Variants in PCDHGA7 observed in about 807,000 individuals in gnomAD.
PCDHGA7 encodes protocadherin gamma subfamily A, 7.
Under a neutral mutation model 58.3 loss-of-function variants are expected in PCDHGA7, and 44 were observed. That is an observed-to-expected ratio of 0.75 (90% CI 0.59 to 0.97). PCDHGA7 has a LOEUF of 0.97. Among genes scored for constraint, PCDHGA7 ranks in the 50% least tolerant of loss-of-function variants. The pLI is 0.00. For missense variants in PCDHGA7, 1,266 were observed against 1,188.7 expected, an observed-to-expected ratio of 1.06 and a Z score of -0.96; for synonymous variants, 516 against 504.2, an observed-to-expected ratio of 1.02 and a Z score of -0.31.
At chr5:141,473,439 A>G (rs2099322281) in intron 1 of PCDHGA7, among the ~76,000 whole-genome samples, 1 of 152,210 alleles carries the variant, frequency 6.6e-6, no homozygotes, top group African/African-American at 2.4e-5. Flanking sequence ...TTGCTTATGC[A>G]AAAATAATTA....
intron 1 of PCDHGA7, chr5:141,475,848 C>T (rs1562050268): frequency 4.4e-6 from 2 of 451,496 alleles, no homozygotes; most frequent in Non-Finnish European, 7.9e-6. Context: ...TCAGAGAGCC[C>T]GGCGCTAGCT....
chr5:141,489,165 G>T lies in PCDHGA7; in HGVS notation c.2425-5642G>T. ...GAAGGAGACATAAGAGACTTCAGCT[G>T]CTGCATTCCAAGCCCTGGGTCTACC... On this transcript the variant is annotated intron_variant, in intron 1 of 3. Coordinates refer to ENST00000518325, the MANE Select transcript of PCDHGA7 (RefSeq NM_018920.4). This position sits in a 1 kb window ranked among gnomAD's most constrained non-coding sequence, Gnocchi z 4.5. 9.2e-7 allele frequency: 1 copy of T among 1,082,084 alleles called. No homozygotes were observed. Among genetic ancestry groups the T allele is most frequent in the Non-Finnish European group, 1.3e-6 (1 of 745,856 alleles). 67.0% of individuals were successfully genotyped at this position (1,082,084 alleles called of 1,614,324 possible).
intron 1 of PCDHGA7, chr5:141,388,040 G>A (rs1561617548): frequency 7.1e-7 from 1 of 1,412,748 alleles, no homozygotes; most frequent in Non-Finnish European, 9.6e-7. Flanking sequence ...ACCTCGCCAC[G>A]GACCTGGGGT....
chr5:141,460,656 ACTGTAAACACAGT>A (rs2098994793), intron 1 of PCDHGA7, among the ~76,000 whole-genome samples: 1 of 152,086 alleles, frequency 6.6e-6, no homozygotes, highest in Admixed American at 6.6e-5. Flanking sequence ...CACATATGTA[ACTGTAAACACAGT>A]TATATATCTA....
At chr5:141,417,994 G>T (rs369226139) in intron 1 of PCDHGA7, 231 of 1,613,766 alleles carry the variant, frequency 1.4e-4, no homozygotes, top group Non-Finnish European at 1.8e-4. Flanking sequence ...CCAAGGGCTC[G>T]GTGGTGGGGA....
intron 1 of PCDHGA7, chr5:141,413,721 C>A (rs779673406): frequency 6.2e-7 from 1 of 1,613,592 alleles, no homozygotes. Context: ...ATAAGCACTT[C>A]TCCCTAAGAG....
At chr5:141,497,776 C>A (rs1384125562) in intron 2 of PCDHGA7, among the ~76,000 whole-genome samples, 2 of 152,170 alleles carry the variant, frequency 1.3e-5, no homozygotes. Flanking sequence ...CCGACCTCAA[C>A]TGATCCACCT....
intron 1 of PCDHGA7, chr5:141,421,154 G>A: frequency 8.7e-7 from 1 of 1,151,318 alleles, no homozygotes; most frequent in South Asian, 1.6e-5. Flanking sequence ...GTCGGCCTAG[G>A]ACTTCATAGA....
At chr5:141,478,733 T>C (rs1562072874) in intron 1 of PCDHGA7, 8 of 1,537,128 alleles carry the variant, frequency 5.2e-6, no homozygotes, top group Non-Finnish European at 7.0e-6. Context: ...AGAGTGTGGT[T>C]TGTGGTCCCA....
At position 141,494,704 on chromosome 5, in the gene PCDHGA7, T is replaced by C. The variant is rs2099756232; in HGVS notation, c.2425-103T>C. Reference sequence around the variant, plus strand: ...CCCCCTCTTAGTCCGTTTTCTTCTCTGTGCCCACTCCCCTCCTTCTCTCCC... The same window carrying C: ...CCCCCTCTTAGTCCGTTTTCTTCTCCGTGCCCACTCCCCTCCTTCTCTCCC... On this transcript the variant is annotated intron_variant, in intron 1 of 3. Transcript: ENST00000518325. The C allele has an allele frequency of 3.1e-6, 5 of 1,597,570 alleles. No individual in the cohort carries two copies. The Admixed American group carries it at 8.5e-5, about 27-fold the overall frequency.
At chr5:141,415,895 G>A in intron 1 of PCDHGA7, 1 of 898,210 alleles carries the variant, frequency 1.1e-6, no homozygotes, top group Non-Finnish European at 1.5e-6. Flanking sequence ...CAATTCCTAA[G>A]ACAGACTTCC....
chr5:141,434,401 T>C (rs1036239430), intron 1 of PCDHGA7, among the ~76,000 whole-genome samples: 2 of 152,242 alleles, frequency 1.3e-5, no homozygotes. Context: ...ACAAAATCTC[T>C]GCAGCACTGT....
At chr5:141,411,189 T>C (rs1222862554) in intron 1 of PCDHGA7, 1 of 152,208 alleles carries the variant, frequency 6.6e-6, no homozygotes, top group Non-Finnish European at 1.5e-5. Context: ...TCTTGGCATC[T>C]AAGAAAACAA....
In PCDHGA7 at chr5:141,408,807, G is replaced by A. The variant is rs372007066; in HGVS notation, c.2424+23484G>A. On this transcript the variant is annotated intron_variant, in intron 1 of 3. Transcript: ENST00000518325. ...TTATCTCTGGAGAAACTCCTAGACCGGGAAGAACAGAGATCTCATAGCTTG... is the reference window on the plus strand; with the variant it reads ...TTATCTCTGGAGAAACTCCTAGACCAGGAAGAACAGAGATCTCATAGCTTG... 1.2e-5 allele frequency: 20 copies of A among 1,612,986 alleles called. No homozygotes were observed. Among genetic ancestry groups the A allele is most frequent in the Middle Eastern group, 1.6e-4 (1 of 6,084 alleles).
At chr5:141,408,266 C>G in intron 1 of PCDHGA7, 1 of 1,608,708 alleles carries the variant, frequency 6.2e-7, no homozygotes, top group Non-Finnish European at 8.5e-7. Flanking sequence ...TCCTTTGCTG[C>G]TGCCTTTGTT....
intron 1 of PCDHGA7, chr5:141,389,298 G>C (rs1440320819): frequency 6.2e-7 from 1 of 1,614,030 alleles, no homozygotes; most frequent in Non-Finnish European, 8.5e-7. Context: ...TATTTCACAA[G>C]TCAGGGCTTC....
chr5:141,480,914 G>A (rs959577133), intron 1 of PCDHGA7, among the ~76,000 whole-genome samples: 18 of 151,978 alleles, frequency 1.2e-4, no homozygotes, highest in South Asian at 4.2e-4. Flanking sequence ...GCATGGTGGC[G>A]CATACCTGTA....
At chr5:141,428,333 T>A in intron 1 of PCDHGA7, 1 of 618,518 alleles carries the variant, frequency 1.6e-6, no homozygotes, top group Non-Finnish European at 2.9e-6. Context: ...ATTTCTATGC[T>A]CTTCTTCCTC....
At chr5:141,423,225 C>T (rs763729316) in intron 1 of PCDHGA7, 3 of 1,613,804 alleles carry the variant, frequency 1.9e-6, no homozygotes, top group South Asian at 1.1e-5. Context: ...TGGCTGTGGC[C>T]GACAGCATCC....
Sources: gnomAD v4.1 joint callset for allele counts (sites outside exome capture counted in the v4.1 genomes callset) on GRCh38, gnomAD v4.1.1 for gene constraint, Gnocchi (gnomAD v3.1) non-coding constraint, MANE v1.5 for transcripts, NCBI Gene and HGNC (gene_info 2026-07-23, HGNC 2026-07-21) for gene names.